Variants in PUM2 observed in about 807,000 individuals in gnomAD.
PUM2 encodes pumilio homolog 2.
In PUM2, 57 loss-of-function variants were observed where a neutral mutation model predicts 124.5. That is an observed-to-expected ratio of 0.46 (90% confidence interval 0.37 to 0.57). The LOEUF is 0.57. Ranked by LOEUF, PUM2 falls within the 20% of genes least tolerant of loss-of-function variation. The pLI, the probability that PUM2 is intolerant of heterozygous loss-of-function variation, is 0.00. For synonymous variants in PUM2, 460 were observed against 446.1 expected, an observed-to-expected ratio of 1.03 and a Z score of -0.39; for missense variants, 1,065 against 1,290.6, an observed-to-expected ratio of 0.83 and a Z score of 2.68.
At chr2:20,280,269 T>G (rs1350971518) in intron 12 of PUM2, among the ~76,000 whole-genome samples, 1 of 152,180 alleles carries the variant, frequency 6.6e-6, no homozygotes, top group Non-Finnish European at 1.5e-5. Context: ...ATGCAGTTTC[T>G]GAGACTGATC....
intron 3 of PUM2, among the ~76,000 whole-genome samples, chr2:20,315,835 T>TAA (rs1303295563): frequency 3.6e-5 from 1 of 28,142 alleles, no homozygotes; most frequent in African/African-American, 1.8e-4. Flanking sequence ...TAACCTGGTC[T>TAA]CAAAAAAAAA....
intron 12 of PUM2, among the ~76,000 whole-genome samples, chr2:20,281,361 TTA>T (rs1298715636): frequency 6.6e-6 from 1 of 152,122 alleles, no homozygotes; most frequent in Non-Finnish European, 1.5e-5. Context: ...GAAAACAGCC[TTA>T]ACTAAGAAAC....
intron 13 of PUM2, among the ~76,000 whole-genome samples, chr2:20,269,936 A>G (rs950090663): frequency 1.4e-4 from 22 of 152,334 alleles, no homozygotes; most frequent in African/African-American, 4.8e-4. Flanking sequence ...CTTAGTTAAC[A>G]TAACATAGTC....
intron 1 of PUM2, among the ~76,000 whole-genome samples, chr2:20,333,338 C>T (rs1348062069): frequency 1.3e-5 from 2 of 151,688 alleles, no homozygotes; most frequent in African/African-American, 4.8e-5. Flanking sequence ...AATTCAAGAC[C>T]ATCCTTGGCA....
intron 5 of PUM2, among the ~76,000 whole-genome samples, chr2:20,311,050 A>T (rs1178305213): frequency 6.6e-6 from 1 of 152,036 alleles, no homozygotes; most frequent in Non-Finnish European, 1.5e-5. Context: ...TACTGCTCCT[A>T]AGCTAATTTT....
intron 7 of PUM2, among the ~76,000 whole-genome samples, chr2:20,301,082 T>C (rs980234818): frequency 6.6e-6 from 1 of 152,236 alleles, no homozygotes; most frequent in Non-Finnish European, 1.5e-5. Flanking sequence ...ACCAAACCAA[T>C]GTACATCTTA....
At chr2:20,331,818 A>T (rs1217705047) in intron 1 of PUM2, 1 of 152,158 alleles carries the variant, frequency 6.6e-6, no homozygotes, top group Non-Finnish European at 1.5e-5. Context: ...TAGCTCTTTG[A>T]ATCCATTCTT....
chr2:20,340,541 C>A (rs1417673204), intron 1 of PUM2, among the ~76,000 whole-genome samples: 1 of 152,250 alleles, frequency 6.6e-6, no homozygotes, highest in Non-Finnish European at 1.5e-5. Flanking sequence ...TTACAACACA[C>A]ATCAGAGTCC....
At chr2:20,254,088 G>GA in intron 19 of PUM2, 74 bp from the exon 20 acceptor site, 1 of 1,284,906 alleles carries the variant, frequency 7.8e-7, no homozygotes, top group Non-Finnish European at 1.1e-6. Flanking sequence ...CTTATAGAAA[G>GA]AATCTTCTCC....
chr2:20,350,482 C>T (rs1689133900), intron 1 of PUM2, 115 bp downstream of exon 1: 2 of 985,434 alleles, frequency 2.0e-6, no homozygotes, highest in Non-Finnish European at 2.4e-6. Context: ...CTCAGCAGGC[C>T]CTATCCGCCC....
chr2:20,297,474 TA>T lies in PUM2; in HGVS notation c.1009+78del, dbSNP rs1675896628. On this transcript the variant is annotated intron_variant, in intron 8 of 20. Coordinates refer to ENST00000361078, the MANE Select transcript of PUM2 (RefSeq NM_015317.5). ...TCTTAGGAATTTCAAATTGCCCAAA[TA>T]GAGAAAAATAAAGCTTACACCCAAA... 4.7e-6 allele frequency: 6 copies of T among 1,270,996 alleles called. No individual in the cohort carries two copies. The South Asian group carries it at 1.3e-4, about 27-fold the overall frequency. The allele number at this position is 1,270,996 out of a possible 1,614,324, so 78.7% of individuals were successfully genotyped here.
At chr2:20,344,910 G>C (rs533780242) in intron 1 of PUM2, among the ~76,000 whole-genome samples, 118 of 150,260 alleles carry the variant, frequency 7.9e-4, no homozygotes, top group Non-Finnish European at 1.3e-3. Context: ...GTGAACCCGG[G>C]AGGCGGAGCT....
intron 7 of PUM2, among the ~76,000 whole-genome samples, chr2:20,303,742 T>G (rs1430876436): frequency 6.6e-6 from 1 of 152,214 alleles, no homozygotes; most frequent in African/African-American, 2.4e-5. Context: ...TTTTATATCC[T>G]AATTCATTTA....
At chr2:20,258,493 G>A (rs1572547400) in intron 15 of PUM2, 122 bp from the exon 16 acceptor site, 4 of 872,930 alleles carry the variant, frequency 4.6e-6, no homozygotes, top group Admixed American at 5.8e-5. Context: ...GGGCTTTAAG[G>A]TAGAAGCTAA....
At chr2:20,311,746 A>G in intron 4 of PUM2, 83 bp from the exon 5 acceptor site, 1 of 1,288,218 alleles carries the variant, frequency 7.8e-7, no homozygotes, top group Non-Finnish European at 1.1e-6. Context: ...ACACTACACT[A>G]CAGTGCATGT....
chr2:20,257,492 T>C (rs552633738), intron 16 of PUM2, among the ~76,000 whole-genome samples: 1 of 152,314 alleles, frequency 6.6e-6, no homozygotes, highest in East Asian at 1.9e-4. Context: ...ACATAAATCA[T>C]GTAGTCAGAA....
chr2:20,274,200 A>G (rs745720571), intron 13 of PUM2, among the ~76,000 whole-genome samples: 4 of 152,154 alleles, frequency 2.6e-5, no homozygotes, highest in Non-Finnish European at 4.4e-5. Context: ...AAATATGAAT[A>G]TGAAGGTGCT....
chr2:20,332,322 T>TGTGTGTGTGTGTGTGTG (rs3222066), intron 1 of PUM2, among the ~76,000 whole-genome samples: 15 of 149,916 alleles, frequency 1.0e-4, no homozygotes, highest in African/African-American at 1.5e-4. Flanking sequence ...TGTGTGTGTG[T>TGTGTGTGTGTGTGTGTG]TTAAACGAAT....
intron 7 of PUM2, among the ~76,000 whole-genome samples, chr2:20,304,677 CAT>C (rs1677799385): frequency 6.6e-6 from 1 of 152,162 alleles, no homozygotes; most frequent in Non-Finnish European, 1.5e-5. Flanking sequence ...AAATTTTCCA[CAT>C]ATAGTCACTG....
Sources: allele counts gnomAD v4.1 joint callset (sites outside exome capture counted in the v4.1 genomes callset), GRCh38; gene constraint gnomAD v4.1.1; transcripts MANE v1.5; gene names NCBI Gene and HGNC (gene_info 2026-07-23, HGNC 2026-07-21).